The following ABHD12 variants were observed in gnomAD, a reference collection of about 807,000 sequenced individuals.
The protein encoded by ABHD12 is lysophosphatidylserine lipase ABHD12.
ABHD12 carries 43 observed loss-of-function variants against 58.3 expected under a neutral mutation model. The observed-to-expected ratio is 0.74, with a 90% CI of 0.58 to 0.95. The LOEUF is 0.95. ABHD12 is among the 40% of genes least tolerant of loss of function. ABHD12 has a pLI of 0.00. For synonymous variants in ABHD12, 219 were observed against 211.2 expected, an observed-to-expected ratio of 1.04 and a Z score of -0.32; for missense variants, 539 against 537.2, an observed-to-expected ratio of 1.00 and a Z score of -0.03.
chr20:25,368,605 C>G, intron 1 of ABHD12: 1 of 1,392,060 alleles, frequency 7.2e-7, no homozygotes, highest in Non-Finnish European at 1.0e-6. Context: ...TGGAATAATT[C>G]TGTGAAAGCG....
At chr20:25,364,517 A>G (rs984983070) in intron 1 of ABHD12, among the ~76,000 whole-genome samples, 15 of 152,258 alleles carry the variant, frequency 9.9e-5, no homozygotes, top group African/African-American at 2.4e-4. Context: ...ACTCATTCCC[A>G]TAAGAGTGGA....
rs1252832908 is a variant in ABHD12 at position 25,308,513 on chromosome 20, A to G, written c.750-19T>C. 2.5e-6 allele frequency: 4 copies of G among 1,603,472 alleles called. No homozygotes were observed. The Admixed American group carries it at 6.8e-5, about 27-fold the overall frequency. ...CGCCACGCTAGGAAAAAAGAAAAACAGCTTAGTTGAGTTATGATAAAATTG... is the reference window on the plus strand; with the variant it reads ...CGCCACGCTAGGAAAAAAGAAAAACGGCTTAGTTGAGTTATGATAAAATTG... On this transcript the variant is annotated intron_variant, in intron 7 of 12. Transcript: ENST00000339157.
intron 7 of ABHD12, among the ~76,000 whole-genome samples, chr20:25,309,203 G>T (rs1291648639): frequency 6.6e-6 from 1 of 152,084 alleles, no homozygotes; most frequent in Non-Finnish European, 1.5e-5. Flanking sequence ...GTCTCCCTAG[G>T]GAGACCCCTC....
At chr20:25,363,411 G>A (rs1249654166) in intron 1 of ABHD12, among the ~76,000 whole-genome samples, 1 of 151,292 alleles carries the variant, frequency 6.6e-6, no homozygotes, top group African/African-American at 2.4e-5. Context: ...TAGAGACGGG[G>A]TTTCACCATG....
At position 25,312,266 on chromosome 20, in the gene ABHD12, T is replaced by C. The variant is rs189630255; in HGVS notation, c.619+2659A>G. Among the ~76,000 whole-genome samples, 207 of 152,314 alleles carry C rather than the reference T, an allele frequency of 1.4e-3. 1 individual carries two copies. Among genetic ancestry groups the C allele is most frequent in the African/African-American group, 4.7e-3 (195 of 41,580 alleles). On this transcript the variant is annotated intron_variant, in intron 6 of 12. Transcript: ENST00000339157. The stretch of plus-strand genomic sequence containing the variant: ...CTGTACTGCCGCCATCTCGGCTCAC[T>C]GCAACCTCCCTGCCTGATTCTCCTG...
At chr20:25,338,899 G>C (rs538291990) in intron 2 of ABHD12, 2 of 1,161,978 alleles carry the variant, frequency 1.7e-6, no homozygotes, top group East Asian at 5.9e-5. Context: ...GCTGAAGACA[G>C]ATACGCTGGT....
In ABHD12 at chr20:25,306,887, C is replaced by G; in HGVS notation, c.896G>C (p.Trp299Ser). 6.2e-7 allele frequency: 1 copy of G among 1,612,702 alleles called. No homozygotes were observed. Among genetic ancestry groups the G allele is most frequent in the Non-Finnish European group, 8.5e-7 (1 of 1,178,960 alleles). Residue 299 changes from tryptophan (W) to serine (S), a missense_variant, in exon 10 of 13, where the codon TGG becomes TCG. By Grantham distance (177) the Trp-to-Ser change is radical. Transcript: ENST00000339157. ...ACTTGTAATAGGATCAAGGAAGAAC[C>G]AGTCAAACCCAGGGAAGTATCGATA... ...VIYRYFPGFDWFFLDPITSSG... is the reference protein window; with the variant it reads ...VIYRYFPGFDSFFLDPITSSG...
chr20:25,302,750 C>T (rs567261474), intron 11 of ABHD12, among the ~76,000 whole-genome samples: 4 of 152,288 alleles, frequency 2.6e-5, no homozygotes, highest in African/African-American at 9.6e-5. Flanking sequence ...CCTCTCATTT[C>T]GGCAAGGGTA....
intron 12 of ABHD12, chr20:25,295,150 C>T (rs1015254554): frequency 1.8e-5 from 18 of 1,024,960 alleles, no homozygotes; most frequent in Middle Eastern, 2.0e-4. Context: ...TTGTTCAGCA[C>T]ATCAGGAACT....
chr20:25,330,056 T>G (rs1054957219), intron 2 of ABHD12, among the ~76,000 whole-genome samples: 1 of 152,188 alleles, frequency 6.6e-6, no homozygotes. Context: ...AGGTACCAGG[T>G]TCATCTCACT....
At chr20:25,300,995 G>C in intron 12 of ABHD12, 111 bp from the exon 13 acceptor site, 1 of 1,146,764 alleles carries the variant, frequency 8.7e-7, no homozygotes, top group South Asian at 1.3e-5. Flanking sequence ...AGAGGAGGCA[G>C]CCAAGAGCCC....
chr20:25,390,707 G>C lies in ABHD12; in HGVS notation c.-4C>G. 1 of 1,377,504 alleles carries C rather than the reference G, an allele frequency of 7.3e-7. No individual in the cohort carries two copies. The highest frequency in any genetic ancestry group is 9.4e-7 in the Non-Finnish European group (1 of 1,063,322). 85.3% of individuals were successfully genotyped at this position (1,377,504 alleles called of 1,614,324 possible). ...CGGGCTCGGTCCGCTTCCTCATCCC[G>C]CGGCCGACAGGGCCAGCCGCCGACG... On this transcript the variant is annotated 5_prime_UTR_variant, in exon 1 of 13. Coordinates refer to ENST00000339157, the MANE Select transcript of ABHD12 (RefSeq NM_001042472.3).
At chr20:25,301,228 C>T (rs1436058791) in intron 12 of ABHD12, among the ~76,000 whole-genome samples, 1 of 152,218 alleles carries the variant, frequency 6.6e-6, no homozygotes, top group Non-Finnish European at 1.5e-5. Flanking sequence ...GAGCCCACTG[C>T]CCCCTTAGCA....
chr20:25,307,829 A>C (rs999134336), intron 9 of ABHD12, 137 bp downstream of exon 9: 1 of 380,314 alleles, frequency 2.6e-6, no homozygotes, highest in Non-Finnish European at 4.5e-6. Flanking sequence ...ACTAGTATTA[A>C]TTTTTAATGA....
chr20:25,360,631 A>C (rs1218282798), intron 1 of ABHD12, among the ~76,000 whole-genome samples: 2 of 152,222 alleles, frequency 1.3e-5, no homozygotes, highest in African/African-American at 4.8e-5. Context: ...AAATTTTAAA[A>C]GGATATAAAA....
chr20:25,345,597 A>G (rs1221751111), intron 1 of ABHD12, among the ~76,000 whole-genome samples: 2 of 152,356 alleles, frequency 1.3e-5, no homozygotes, highest in East Asian at 1.9e-4. Flanking sequence ...TTAAAACTTG[A>G]TAAGAAAATA....
intron 1 of ABHD12, among the ~76,000 whole-genome samples, chr20:25,355,257 T>A (rs942265867): frequency 2.0e-5 from 3 of 152,070 alleles, no homozygotes; most frequent in Non-Finnish European, 4.4e-5. Context: ...GAAGAGCACT[T>A]CCATTCCCTG....
intron 4 of ABHD12, 129 bp from the exon 5 acceptor site, chr20:25,317,207 C>G: frequency 1.4e-6 from 1 of 701,092 alleles, no homozygotes; most frequent in Non-Finnish European, 2.6e-6. Context: ...TTGGGTCCCC[C>G]TAAGTAGCCC....
chr20:25,352,567 G>A (rs796235639), intron 1 of ABHD12, among the ~76,000 whole-genome samples: 10 of 152,206 alleles, frequency 6.6e-5, no homozygotes, highest in African/African-American at 2.2e-4. Context: ...TGGGATTACA[G>A]GCATGAGTCA....
Sources: gnomAD v4.1 joint callset for allele counts (sites outside exome capture counted in the v4.1 genomes callset) on GRCh38, gnomAD v4.1.1 for gene constraint, MANE v1.5 for transcripts, NCBI Gene and HGNC (gene_info 2026-07-23, HGNC 2026-07-21) for gene names.